Variants in PHF20 observed in about 807,000 individuals in gnomAD.
PHF20 encodes glioma-expressed antigen 2.
In PHF20, 23 loss-of-function variants were observed where a neutral mutation model predicts 113.5. The ratio of observed to expected loss-of-function variants is 0.20; its 90% CI spans 0.15 to 0.29. The LOEUF is 0.29. PHF20 is among the 10% of genes least tolerant of loss of function. PHF20 has a pLI of 1.00. For synonymous variants in PHF20, 434 were observed against 457.3 expected (o/e 0.95, Z 0.65); for missense variants, 943 against 1,219.6 (o/e 0.77, Z 3.38).
rs769245681 is a variant in PHF20, at chr20:35,837,385, G to A, written c.84-5188G>A. On this transcript the variant is annotated intron_variant, in intron 2 of 17. Coordinates refer to ENST00000374012, the MANE Select transcript of PHF20 (RefSeq NM_016436.5). Reference sequence around the variant, plus strand: ...CTGCCCCTTTCTGGCCAGTATTCCCGCTGGTTGGAAATGTAACTCCCAGCT... The same window carrying A: ...CTGCCCCTTTCTGGCCAGTATTCCCACTGGTTGGAAATGTAACTCCCAGCT... Among the ~76,000 whole-genome samples, 7 of 152,170 alleles carry A rather than the reference G, an allele frequency of 4.6e-5. No individual in the cohort carries two copies. In the South Asian group the frequency reaches 6.2e-4, roughly 14 times the overall value.
intron 1 of PHF20, among the ~76,000 whole-genome samples, chr20:35,777,247 A>T (rs1001897683): frequency 8.5e-5 from 13 of 152,186 alleles, no homozygotes; most frequent in African/African-American, 2.9e-4. Flanking sequence ...ATGTATACTT[A>T]AAAAGGGACT....
At position 35,863,323 on chromosome 20, in the gene PHF20, A is replaced by T; in HGVS notation, c.731A>T (p.Asp244Val). The change falls in exon 6 of 18, where the codon GAC becomes GTC. Residue 244 changes from aspartate to valine, a missense_variant. Transcript: ENST00000374012. ...CAAGTGGATAAGAAACCTGAAAATGACATTGTGAAGAGTCCACAAGAAAAC... is the reference window on the plus strand; with the variant it reads ...CAAGTGGATAAGAAACCTGAAAATGTCATTGTGAAGAGTCCACAAGAAAAC... ...DAQVDKKPENDIVKSPQENLR... is the reference protein window; with the variant it reads ...DAQVDKKPENVIVKSPQENLR... 3.7e-6 allele frequency: 6 copies of T among 1,614,062 alleles called. No individual in the cohort carries two copies. In the East Asian group the frequency reaches 1.3e-4, roughly 36 times the overall value.
intron 2 of PHF20, among the ~76,000 whole-genome samples, chr20:35,836,170 A>G (rs1174743884): frequency 1.3e-5 from 2 of 151,776 alleles, no homozygotes; most frequent in African/African-American, 4.8e-5. Context: ...CACTACTCAT[A>G]GCAAATTTTT....
intron 9 of PHF20, among the ~76,000 whole-genome samples, chr20:35,880,194 G>T (rs1488210962): frequency 6.6e-6 from 1 of 152,176 alleles, no homozygotes; most frequent in Non-Finnish European, 1.5e-5. Context: ...TTAGGTTGGT[G>T]CTTTAGCGGC....
intron 13 of PHF20, among the ~76,000 whole-genome samples, chr20:35,925,697 AT>A (rs373749838): frequency 0.044 from 6,139 of 140,374 alleles, 210 homozygotes; most frequent in South Asian, 0.2. Context: ...TAGTATTTAC[AT>A]TTTTTTTTTT....
At chr20:35,917,127 G>T in intron 12 of PHF20, 1 of 376,510 alleles carries the variant, frequency 2.7e-6, no homozygotes, top group South Asian at 2.1e-5. Context: ...GTCCTGACTG[G>T]ATGGAGTGAG....
chr20:35,834,059 AAAATAAAT>A (rs560040668), intron 2 of PHF20, among the ~76,000 whole-genome samples: 2 of 148,246 alleles, frequency 1.3e-5, no homozygotes, highest in East Asian at 2.0e-4. Flanking sequence ...TTCCGTCTCA[AAAATAAAT>A]AAATAAATAA....
intron 5 of PHF20, among the ~76,000 whole-genome samples, chr20:35,860,032 T>C (rs565219561): frequency 2.6e-5 from 4 of 152,262 alleles, no homozygotes; most frequent in African/African-American, 9.6e-5. Flanking sequence ...GTGATTCTCG[T>C]CTCAGCCTTC....
At chr20:35,858,942 TTCTCC>T in intron 5 of PHF20, among the ~76,000 whole-genome samples, 1 of 152,318 alleles carries the variant, frequency 6.6e-6, no homozygotes, top group East Asian at 1.9e-4. Flanking sequence ...CTATATTCTG[TTCTCC>T]TAATCTTTTT....
chr20:35,839,327 C>T (rs1020111567), intron 2 of PHF20, among the ~76,000 whole-genome samples: 1 of 143,156 alleles, frequency 7.0e-6, no homozygotes, highest in Admixed American at 7.3e-5. Flanking sequence ...GGAGGCGGAG[C>T]TTGCAGTGAG....
chr20:35,900,942 A>C (rs1292469110), intron 10 of PHF20, among the ~76,000 whole-genome samples: 1 of 152,208 alleles, frequency 6.6e-6, no homozygotes, highest in Non-Finnish European at 1.5e-5. Context: ...ATTTGAGGTC[A>C]GGACAGTAGT....
intron 1 of PHF20, among the ~76,000 whole-genome samples, chr20:35,797,515 A>C (rs1323564218): frequency 6.8e-6 from 1 of 146,536 alleles, no homozygotes; most frequent in Non-Finnish European, 1.5e-5. Context: ...CCCTGTCTCA[A>C]AAAAAAAAAA....
intron 9 of PHF20, among the ~76,000 whole-genome samples, chr20:35,882,751 G>A (rs772150295): frequency 6.6e-6 from 1 of 152,140 alleles, no homozygotes; most frequent in Non-Finnish European, 1.5e-5. Context: ...ATTAGGCCAG[G>A]CACAGTGGCT....
intron 15 of PHF20, among the ~76,000 whole-genome samples, chr20:35,935,706 T>G (rs2055852338): frequency 6.6e-6 from 1 of 152,218 alleles, no homozygotes; most frequent in Admixed American, 6.5e-5. Context: ...CCTCCATCTT[T>G]AGAGAAATTA....
rs2054812752 is a variant in PHF20 at position 35,889,722 on chromosome 20, A to ATTAG, written c.1283-9645_1283-9644insGTTA. ...GCATATTCTGTTTCTTAATTAATTA[A>ATTAG]TTAATTATTTTAAAATTATTTTTGA... On this transcript the variant is annotated intron_variant, in intron 9 of 17. Coordinates refer to ENST00000374012, the MANE Select transcript of PHF20 (RefSeq NM_016436.5). Among the ~76,000 whole-genome samples, 4 of 151,358 alleles carry ATTAG rather than the reference A, an allele frequency of 2.6e-5. No individual in the cohort carries two copies. In the South Asian group the frequency reaches 8.4e-4, roughly 32 times the overall value.
intron 2 of PHF20, among the ~76,000 whole-genome samples, chr20:35,842,067 C>T (rs558077494): frequency 2.1e-4 from 32 of 152,134 alleles, no homozygotes; most frequent in Admixed American, 2.0e-3. Context: ...ATAAACTGGC[C>T]GGGCACAGTG....
rs2056158180 is a variant in PHF20 at position 35,950,363 on chromosome 20, T to C, written c.*2736T>C. 6.6e-6 allele frequency: 1 copy of C among 152,642 alleles called. No homozygotes were observed. Among genetic ancestry groups the C allele is most frequent in the Admixed American group, 6.5e-5 (1 of 15,282 alleles). 9.5% of individuals were successfully genotyped at this position (152,642 alleles called of 1,614,324 possible). A position where few individuals can be genotyped will look rare whatever the true frequency, so the allele number is the denominator to read the frequency against. ...ATTTGGAAAAAATAAAACAGGTTCT[T>C]GTTGCTATGTTTCAGTTACGTATTG... On this transcript the variant is annotated 3_prime_UTR_variant, in exon 18 of 18. Coordinates refer to ENST00000374012, the MANE Select transcript of PHF20 (RefSeq NM_016436.5).
chr20:35,843,310 G>T (rs1424625597), intron 3 of PHF20, among the ~76,000 whole-genome samples: 3 of 150,928 alleles, frequency 2.0e-5, no homozygotes, highest in Non-Finnish European at 2.9e-5. Context: ...ACAAGATCGG[G>T]AGTTTGAGAC....
chr20:35,933,829 G>A (rs114426851), intron 15 of PHF20, among the ~76,000 whole-genome samples: 2,914 of 152,268 alleles, frequency 0.019, 27 homozygotes, highest in Middle Eastern at 0.058. Context: ...CACTGTGCCC[G>A]GTCGGTCTCT....
Sources: gnomAD v4.1 joint callset for allele counts (sites outside exome capture counted in the v4.1 genomes callset) on GRCh38, gnomAD v4.1.1 for gene constraint, MANE v1.5 for transcripts, NCBI Gene and HGNC (gene_info 2026-07-23, HGNC 2026-07-21) for gene names.